Variants in WDR33 observed in about 807,000 individuals in gnomAD.
WDR33 encodes pre-mRNA 3' end processing protein WDR33.
A neutral mutation model predicts 164.9 loss-of-function variants in WDR33; 47 were observed. The ratio of observed to expected loss-of-function variants is 0.29; its 90% CI spans 0.23 to 0.36. WDR33 has a LOEUF of 0.36. WDR33 is among the 10% of genes least tolerant of loss of function. The probability of loss-of-function intolerance (pLI) is 1.00; values close to 1 mark genes in which losing one functional copy is unlikely to be tolerated. For missense variants in WDR33, 1,137 were observed against 1,754.1 expected (o/e 0.65, Z 6.28); for synonymous variants, 505 against 589.0 (o/e 0.86, Z 2.06).
chr2:127,710,172 C>T lies in WDR33; in HGVS notation c.3309-316G>A, dbSNP rs1686124502. On this transcript the variant is annotated intron_variant, in intron 18 of 21. Coordinates refer to ENST00000322313, the MANE Select transcript of WDR33 (RefSeq NM_018383.5). This position sits in a 1 kb window ranked among gnomAD's most constrained non-coding sequence, Gnocchi z 4.4. ...CACCATATGAAGCTGGTATTATCAG[C>T]AGTTCCACTGATGAGAACACTGAGG... 6.6e-6 allele frequency among the ~76,000 whole-genome samples: 1 copy of T among 152,182 alleles called. No individual in the cohort carries two copies. Among genetic ancestry groups the T allele is most frequent in the African/African-American group, 2.4e-5 (1 of 41,428 alleles).
At chr2:127,783,918 T>C (rs1378545668) in intron 1 of WDR33, among the ~76,000 whole-genome samples, 1 of 152,068 alleles carries the variant, frequency 6.6e-6, no homozygotes, top group African/African-American at 2.4e-5. Flanking sequence ...CACTTCCTTA[T>C]TCTTTTAAAC....
Position 127,786,469 on chromosome 2 carries a change from G to C in WDR33, c.-23-15465C>G, listed in dbSNP as rs193053872. On this transcript the variant is annotated intron_variant, in intron 1 of 21. Coordinates refer to ENST00000322313, the MANE Select transcript of WDR33 (RefSeq NM_018383.5). ...AGGCTGAGGCAGACGGATCACTTGA[G>C]GCCAGGAGTTCAAGACCAGCTCAGT... 8.2e-4 allele frequency among the ~76,000 whole-genome samples: 125 copies of C among 152,304 alleles called. 1 individual carries two copies. Among genetic ancestry groups the C allele is most frequent in the African/African-American group, 2.9e-3 (122 of 41,566 alleles).
At chr2:127,802,595 T>C (rs1416743060) in intron 1 of WDR33, among the ~76,000 whole-genome samples, 1 of 152,184 alleles carries the variant, frequency 6.6e-6, no homozygotes, top group Admixed American at 6.6e-5. Context: ...ACTTTTTCAA[T>C]ATAGTATTTA....
intron 1 of WDR33, among the ~76,000 whole-genome samples, chr2:127,807,850 A>C (rs1252727659): frequency 2.0e-5 from 3 of 152,198 alleles, no homozygotes; most frequent in Admixed American, 6.5e-5. Context: ...CATGACTCCC[A>C]AGACTTTGAA....
intron 18 of WDR33, among the ~76,000 whole-genome samples, chr2:127,711,778 A>ATTTTTTTT (rs1375261650): frequency 1.1e-4 from 10 of 93,036 alleles, no homozygotes; most frequent in African/African-American, 4.1e-4. Flanking sequence ...ATATATATAT[A>ATTTTTTTT]TATTTTTTTT....
chr2:127,753,082 A>G (rs1262579599), intron 7 of WDR33, among the ~76,000 whole-genome samples: 5 of 152,058 alleles, frequency 3.3e-5, no homozygotes, highest in African/African-American at 9.7e-5. Context: ...ATGTGCCACC[A>G]CGCCCAGCTA....
intron 4 of WDR33, among the ~76,000 whole-genome samples, chr2:127,766,634 T>C (rs1255958193): frequency 1.3e-5 from 2 of 152,212 alleles, no homozygotes; most frequent in Non-Finnish European, 2.9e-5. Context: ...GCTCGGATTT[T>C]ATTCTTTTCA....
chr2:127,760,195 T>C (rs1047362316), intron 7 of WDR33, among the ~76,000 whole-genome samples: 1 of 152,230 alleles, frequency 6.6e-6, no homozygotes, highest in African/African-American at 2.4e-5. Flanking sequence ...TTTAGGAATG[T>C]TGTAGAAAAG....
rs1161071581 is a variant in WDR33 at position 127,750,677 on chromosome 2, AATATATATATATATATATAT to A, written c.724+12365_724+12384del. Among the ~76,000 whole-genome samples, 34 of 35,800 alleles carry A rather than the reference AATATATATATATATATATAT, an allele frequency of 9.5e-4. 1 individual carries two copies. Among genetic ancestry groups the A allele is most frequent in the African/African-American group, 3.5e-3 (23 of 6,622 alleles). 23.5% of individuals were successfully genotyped at this position (35,800 alleles called of 152,430 possible). The stretch of plus-strand genomic sequence containing the variant: ...AAAAAAAAAAAAAAAAAAAAAAAAA[AATATATATATATATATATAT>A]ATATATATATATATATGTATGTATG... On this transcript the variant is annotated intron_variant, in intron 7 of 21. Coordinates refer to ENST00000322313, the MANE Select transcript of WDR33 (RefSeq NM_018383.5).
intron 7 of WDR33, among the ~76,000 whole-genome samples, chr2:127,743,637 A>C (rs973711098): frequency 1.3e-5 from 2 of 152,256 alleles, no homozygotes; most frequent in Non-Finnish European, 1.5e-5. Context: ...CAAACGGCAG[A>C]AGTGGAAACA....
intron 1 of WDR33, among the ~76,000 whole-genome samples, chr2:127,794,882 G>T (rs1198645418): frequency 6.6e-6 from 1 of 151,364 alleles, no homozygotes; most frequent in African/African-American, 2.4e-5. Context: ...TTTCAAGCTG[G>T]GTGTGGTGAA....
intron 1 of WDR33, among the ~76,000 whole-genome samples, chr2:127,806,830 A>G (rs2104692084): frequency 6.6e-6 from 1 of 152,308 alleles, no homozygotes; most frequent in Non-Finnish European, 1.5e-5. Context: ...TATTTCAAAG[A>G]CATGCATCCT....
chr2:127,792,498 T>C (rs1251842999), intron 1 of WDR33, among the ~76,000 whole-genome samples: 8 of 151,328 alleles, frequency 5.3e-5, no homozygotes, highest in Non-Finnish European at 8.8e-5. Context: ...CCGTCTCTAC[T>C]AAAAATAAAA....
chr2:127,769,149 A>G (rs1396729516), intron 2 of WDR33, 148 bp from the exon 3 acceptor site: 2 of 402,720 alleles, frequency 5.0e-6, no homozygotes, highest in Admixed American at 1.0e-4. Context: ...TCTAAAACAA[A>G]TAGTGGGTGC....
rs1686505301 is a variant in WDR33 at position 127,724,050 on chromosome 2, C to T, written c.1196+283G>A. 6.6e-6 allele frequency among the ~76,000 whole-genome samples: 1 copy of T among 150,714 alleles called. No homozygotes were observed. On this transcript the variant is annotated intron_variant, in intron 11 of 21. Transcript: ENST00000322313. This position sits in a 1 kb window ranked among gnomAD's most constrained non-coding sequence, Gnocchi z 4.8. ...CTGAGACCGCACCATTGCACGCCAG[C>T]CTGGACAGAGACCCTGTCTCAAATA...
At chr2:127,785,448 C>G (rs1368629715) in intron 1 of WDR33, among the ~76,000 whole-genome samples, 1 of 152,176 alleles carries the variant, frequency 6.6e-6, no homozygotes, top group African/African-American at 2.4e-5. Flanking sequence ...TTCTGCTGCC[C>G]TAAAAATCCT....
intron 8 of WDR33, among the ~76,000 whole-genome samples, chr2:127,725,595 G>A (rs532668093): frequency 2.0e-5 from 3 of 152,238 alleles, no homozygotes; most frequent in Non-Finnish European, 2.9e-5. Flanking sequence ...TTAGCCAGGC[G>A]TGATGGCGCA....
intron 7 of WDR33, chr2:127,737,597 T>A (rs558861566): frequency 5.8e-5 from 58 of 998,782 alleles, no homozygotes; most frequent in Admixed American, 1.8e-4. Context: ...TACACTACGT[T>A]AATAATAGAT....
intron 21 of WDR33, among the ~76,000 whole-genome samples, chr2:127,707,828 A>C (rs1462908569): frequency 6.6e-6 from 1 of 152,192 alleles, no homozygotes; most frequent in East Asian, 1.9e-4. Context: ...GGTGGCGCAC[A>C]CCTGTAGTTC....
Sources: gnomAD v4.1 joint callset for allele counts (sites outside exome capture counted in the v4.1 genomes callset) on GRCh38, gnomAD v4.1.1 for gene constraint, Gnocchi (gnomAD v3.1) non-coding constraint, MANE v1.5 for transcripts, NCBI Gene and HGNC (gene_info 2026-07-23, HGNC 2026-07-21) for gene names.